Variants in PATJ observed in about 807,000 individuals in gnomAD.
PATJ encodes the protein PATJ crumbs cell polarity complex component, also known as inaD-like protein.
Under a neutral mutation model 224.9 loss-of-function variants are expected in PATJ, and 190 were observed. The observed-to-expected ratio is 0.84, with a 90% CI of 0.75 to 0.95. The LOEUF is 0.95. Ranked by LOEUF, PATJ falls within the 40% of genes least tolerant of loss-of-function variation. The pLI is 0.00. For missense variants in PATJ, 2,121 were observed against 2,270.3 expected (o/e 0.93, Z 1.34); for synonymous variants, 769 against 820.3 (o/e 0.94, Z 1.07).
At chr1:61,848,427 G>C (rs1377660346) in intron 17 of PATJ, among the ~76,000 whole-genome samples, 2 of 152,134 alleles carry the variant, frequency 1.3e-5, no homozygotes, top group Non-Finnish European at 2.9e-5. Flanking sequence ...GTGCCACCGA[G>C]CTTGTGCCGA....
At chr1:61,823,555 G>A (rs1207293489) in intron 15 of PATJ, among the ~76,000 whole-genome samples, 1 of 152,180 alleles carries the variant, frequency 6.6e-6, no homozygotes, top group African/African-American at 2.4e-5. Context: ...CAGTTCTAGA[G>A]CACCTCTGCT....
At chr1:61,849,462 G>A (rs2148877363) in intron 17 of PATJ, among the ~76,000 whole-genome samples, 1 of 152,146 alleles carries the variant, frequency 6.6e-6, no homozygotes, top group South Asian at 2.1e-4. Flanking sequence ...TGAATGTGGT[G>A]TACACTTGTG....
At chr1:61,797,476 A>G (rs754163157) in intron 11 of PATJ, 48 bp downstream of exon 11, 2 of 1,522,228 alleles carry the variant, frequency 1.3e-6, no homozygotes, top group East Asian at 4.6e-5. Flanking sequence ...TACATTTGGA[A>G]GAGCAGTTCA....
chr1:62,027,192 A>T (rs1352688415), intron 29 of PATJ, among the ~76,000 whole-genome samples: 1 of 152,250 alleles, frequency 6.6e-6, no homozygotes, highest in Non-Finnish European at 1.5e-5. Context: ...TGACTGCCGT[A>T]GGTACCTCAC....
At chr1:61,759,669 A>G (rs1370792891) in intron 1 of PATJ, among the ~76,000 whole-genome samples, 1 of 152,148 alleles carries the variant, frequency 6.6e-6, no homozygotes, top group African/African-American at 2.4e-5. Context: ...TGGCCTCCCA[A>G]AGTGGTGGGA....
chr1:62,130,197 G>T (rs189469874), intron 41 of PATJ, among the ~76,000 whole-genome samples: 1 of 152,174 alleles, frequency 6.6e-6, no homozygotes, highest in African/African-American at 2.4e-5. Flanking sequence ...AGCCCGGCAT[G>T]GTGGTGTGTG....
chr1:61,767,087 A>G (rs1646326590), intron 4 of PATJ, among the ~76,000 whole-genome samples: 1 of 151,908 alleles, frequency 6.6e-6, no homozygotes, highest in Admixed American at 6.6e-5. Flanking sequence ...CCCATAATTA[A>G]TGGAAATTAG....
chr1:61,813,348 T>G (rs943836137), intron 14 of PATJ, among the ~76,000 whole-genome samples: 1,067 of 38,724 alleles, frequency 0.028, 39 homozygotes, highest in Non-Finnish European at 0.035. Flanking sequence ...TATATATATA[T>G]ATATATATAT....
intron 27 of PATJ, among the ~76,000 whole-genome samples, chr1:61,984,230 T>A (rs11207883): frequency 6.7e-6 from 1 of 150,020 alleles, no homozygotes; most frequent in Non-Finnish European, 1.5e-5. Context: ...GTGCCATCTC[T>A]GCTCACTGCA....
At chr1:62,030,742 TCTTAAA>T (rs578103542) in intron 29 of PATJ, among the ~76,000 whole-genome samples, 190 of 152,366 alleles carry the variant, frequency 1.2e-3, no homozygotes, top group African/African-American at 4.4e-3. Context: ...TTTCAACTGT[TCTTAAA>T]CTTAATGTAA....
intron 27 of PATJ, among the ~76,000 whole-genome samples, chr1:61,981,374 A>G (rs968342707): frequency 6.6e-6 from 1 of 152,016 alleles, no homozygotes; most frequent in African/African-American, 2.4e-5. Context: ...GTTCTGTTTT[A>G]TAAGCACCAA....
rs546073649 is a variant in PATJ at position 61,953,038 on chromosome 1, G to T, written c.3670+25209G>T. The stretch of plus-strand genomic sequence containing the variant: ...ATCTACAAATTTAAATTCGTTAGGG[G>T]TGGGGGCTCAGCTCTTGGAAGTATT... On this transcript the variant is annotated intron_variant, in intron 27 of 43. Transcript: ENST00000642238. Among the ~76,000 whole-genome samples, 39 of 152,228 alleles carry T rather than the reference G, an allele frequency of 2.6e-4. No individual in the cohort carries two copies. The South Asian group carries it at 7.7e-3, about 30-fold the overall frequency.
chr1:62,089,671 C>CTTT (rs771741262), intron 33 of PATJ, among the ~76,000 whole-genome samples: 1 of 147,282 alleles, frequency 6.8e-6, no homozygotes, highest in Non-Finnish European at 1.5e-5. Context: ...TTTCATTTTT[C>CTTT]TTTTTTTTTT....
intron 8 of PATJ, among the ~76,000 whole-genome samples, chr1:61,790,342 C>CT (rs1649536785): frequency 6.6e-6 from 1 of 151,566 alleles, no homozygotes; most frequent in Non-Finnish European, 1.5e-5. Flanking sequence ...CAAATACAGC[C>CT]TTTTTTCTAA....
At chr1:62,106,345 C>T (rs1311270068) in intron 33 of PATJ, among the ~76,000 whole-genome samples, 2 of 149,360 alleles carry the variant, frequency 1.3e-5, no homozygotes, top group Admixed American at 6.8e-5. Context: ...GTTGTGCACA[C>T]GTATAGTCCC....
At chr1:61,907,322 C>T (rs1671992317) in intron 24 of PATJ, among the ~76,000 whole-genome samples, 2 of 152,294 alleles carry the variant, frequency 1.3e-5, no homozygotes, top group East Asian at 1.9e-4. Context: ...TTTCAGGTTT[C>T]GTTGAGAAAA....
At chr1:62,143,743 C>A (rs969393503) in intron 41 of PATJ, among the ~76,000 whole-genome samples, 2 of 152,104 alleles carry the variant, frequency 1.3e-5, no homozygotes, top group African/African-American at 4.8e-5. Flanking sequence ...AGCCACCACG[C>A]TGGCCTAAGC....
chr1:62,000,197 T>TTTTG (rs1553237154), intron 28 of PATJ, among the ~76,000 whole-genome samples: 10 of 141,154 alleles, frequency 7.1e-5, no homozygotes, highest in South Asian at 2.3e-4. Context: ...CCTAGAGTTT[T>TTTTG]TTGTTTTTTT....
rs926739468 is a variant in PATJ at position 61,884,816 on chromosome 1, T to C, written c.3131+408T>C. Among the ~76,000 whole-genome samples, 6 of 152,142 alleles carry C rather than the reference T, an allele frequency of 3.9e-5. No individual in the cohort carries two copies. The East Asian group carries it at 7.7e-4, about 20-fold the overall frequency. On this transcript the variant is annotated intron_variant, in intron 22 of 43. Transcript: ENST00000642238. Reference sequence around the variant, plus strand: ...GACTTGTGTTTTTGGACTAGGAAACTAGATAGATATGAGAAATTAGTGCTT... The same window carrying C: ...GACTTGTGTTTTTGGACTAGGAAACCAGATAGATATGAGAAATTAGTGCTT...
Sources: gnomAD v4.1 joint callset for allele counts (sites outside exome capture counted in the v4.1 genomes callset) on GRCh38, gnomAD v4.1.1 for gene constraint, MANE v1.5 for transcripts, NCBI Gene and HGNC (gene_info 2026-07-23, HGNC 2026-07-21) for gene names.